Variants in LY86 observed in about 807,000 individuals in gnomAD.
LY86 encodes MD-1, RP105-associated.
LY86 carries 20 observed loss-of-function variants against 17.3 expected under a neutral mutation model. That is an observed-to-expected ratio of 1.15 (90% CI 0.81 to 1.68). The LOEUF is 1.68. Among genes scored for constraint, LY86 ranks in the 40% most tolerant of loss-of-function variants. LY86 has a pLI of 0.00. For synonymous variants in LY86, 74 were observed against 70.6 expected (o/e 1.05, Z -0.24); for missense variants, 200 against 191.9 (o/e 1.04, Z -0.25).
At chr6:6,607,537 A>G (rs987774675) in intron 1 of LY86, among the ~76,000 whole-genome samples, 1 of 152,218 alleles carries the variant, frequency 6.6e-6, no homozygotes, top group Non-Finnish European at 1.5e-5. Flanking sequence ...AATCCAAAAG[A>G]ATGCTGGAAA....
At chr6:6,632,166 A>G (rs3804481) in intron 3 of LY86, among the ~76,000 whole-genome samples, 26,857 of 152,118 alleles carry the variant, frequency 0.18, 2,991 homozygotes, top group African/African-American at 0.33. Flanking sequence ...GCTTTATAAG[A>G]CCTGTGCCAA....
rs71542805 is a variant in LY86, at chr6:6,596,412, G to GA, written c.136+7547dup. Among the ~76,000 whole-genome samples the GA allele has an allele frequency of 1.1e-4, 17 of 151,790 alleles. No homozygotes were observed. The South Asian group carries it at 1.9e-3, about 17-fold the overall frequency. ...TGCATGAAACATCAAAAAAAGAAAA[G>GA]AAAAACCTCACAGGTCATCTAGTCA... On this transcript the variant is annotated intron_variant, in intron 1 of 4. Coordinates refer to ENST00000230568, the MANE Select transcript of LY86 (RefSeq NM_004271.4).
chr6:6,649,362 C>T (rs571413529), intron 3 of LY86, among the ~76,000 whole-genome samples: 1 of 152,324 alleles, frequency 6.6e-6, no homozygotes, highest in South Asian at 2.1e-4. Flanking sequence ...AGAATGTAAG[C>T]AATGTGTGGA....
intron 3 of LY86, among the ~76,000 whole-genome samples, chr6:6,628,163 A>G (rs1337605384): frequency 2.0e-5 from 3 of 151,980 alleles, no homozygotes; most frequent in African/African-American, 7.2e-5. Flanking sequence ...ACTCATCATT[A>G]GTCCGTCCCT....
intron 3 of LY86, among the ~76,000 whole-genome samples, chr6:6,629,948 T>A (rs2113145449): frequency 6.6e-6 from 1 of 152,350 alleles, no homozygotes; most frequent in East Asian, 1.9e-4. Flanking sequence ...AATATACTTG[T>A]AAGAATATTA....
At chr6:6,613,326 G>A (rs1240763642) in intron 1 of LY86, among the ~76,000 whole-genome samples, 1 of 152,246 alleles carries the variant, frequency 6.6e-6, no homozygotes, top group Middle Eastern at 3.2e-3. Flanking sequence ...ATGGAGCAGG[G>A]TGGCGCTGCT....
chr6:6,624,401 T>TGGGATGGGATGGGATGGGAG (rs1358975139), intron 1 of LY86, among the ~76,000 whole-genome samples: 1 of 91,310 alleles, frequency 1.1e-5, no homozygotes, highest in African/African-American at 5.2e-5. Flanking sequence ...TGGGATGGGA[T>TGGGATGGGATGGGATGGGAG]GGGATGGGTT....
At chr6:6,605,521 C>T (rs1433654583) in intron 1 of LY86, among the ~76,000 whole-genome samples, 1 of 152,226 alleles carries the variant, frequency 6.6e-6, no homozygotes, top group African/African-American at 2.4e-5. Flanking sequence ...GGGGGGTCTC[C>T]CCACAACGCT....
intron 3 of LY86, among the ~76,000 whole-genome samples, chr6:6,646,517 A>G (rs1392552624): frequency 6.6e-6 from 1 of 152,050 alleles, no homozygotes; most frequent in Non-Finnish European, 1.5e-5. Flanking sequence ...ACCATCTCTT[A>G]TGTCAACCCT....
At chr6:6,613,278 A>G (rs1761444082) in intron 1 of LY86, among the ~76,000 whole-genome samples, 1 of 152,014 alleles carries the variant, frequency 6.6e-6, no homozygotes, top group East Asian at 1.9e-4. Context: ...GTGCGCCCGC[A>G]CTCCTCAGCC....
chr6:6,596,350 CTAA>C (rs1293373775), intron 1 of LY86, among the ~76,000 whole-genome samples: 2 of 152,042 alleles, frequency 1.3e-5, no homozygotes, highest in Non-Finnish European at 2.9e-5. Flanking sequence ...TCCTCAGAAC[CTAA>C]TAATTCTGAA....
chr6:6,599,219 T>C (rs934252627), intron 1 of LY86, among the ~76,000 whole-genome samples: 2 of 152,244 alleles, frequency 1.3e-5, no homozygotes, highest in African/African-American at 4.8e-5. Context: ...ATCTTTGTTA[T>C]CACCTAGACA....
At chr6:6,649,489 GAAAACA>G in intron 3 of LY86, 130 bp from the exon 4 acceptor site, 2 of 486,388 alleles carry the variant, frequency 4.1e-6, no homozygotes, top group Non-Finnish European at 3.6e-6. Context: ...ATCAGGAAAT[GAAAACA>G]TTTCTAGCAA....
intron 1 of LY86, among the ~76,000 whole-genome samples, chr6:6,607,841 G>A (rs562320506): frequency 8.6e-5 from 13 of 151,948 alleles, no homozygotes; most frequent in Middle Eastern, 3.4e-3. Context: ...CAAAGGTTGC[G>A]GTAAGCTGAG....
At chr6:6,638,980 T>C (rs1762000775) in intron 3 of LY86, among the ~76,000 whole-genome samples, 1 of 152,058 alleles carries the variant, frequency 6.6e-6, no homozygotes, top group African/African-American at 2.4e-5. Context: ...TGCACACGTA[T>C]GTTTATTGCG....
chr6:6,632,387 T>C lies in LY86; in HGVS notation c.352+5966T>C, dbSNP rs111744839. ...AATGAGAGTGGCCATAATTCATTAT[T>C]GGGTAAGAGTGGAGACTAAATAAGA... On this transcript the variant is annotated intron_variant, in intron 3 of 4. Coordinates refer to ENST00000230568, the MANE Select transcript of LY86 (RefSeq NM_004271.4). 1.7e-3 allele frequency among the ~76,000 whole-genome samples: 261 copies of C among 152,308 alleles called. 1 individual carries two copies. The highest frequency in any genetic ancestry group is 6.0e-3 in the African/African-American group (251 of 41,572).
chr6:6,612,385 AT>A (rs1447704257), intron 1 of LY86, among the ~76,000 whole-genome samples: 1 of 152,128 alleles, frequency 6.6e-6, no homozygotes, highest in African/African-American at 2.4e-5. Flanking sequence ...TTAATCATTT[AT>A]TTTCCCCCAG....
intron 3 of LY86, among the ~76,000 whole-genome samples, chr6:6,630,637 A>G (rs768330748): frequency 9.2e-5 from 14 of 152,342 alleles, no homozygotes; most frequent in Non-Finnish European, 1.9e-4. Flanking sequence ...TCAATCCTCA[A>G]GAACAACAAT....
At chr6:6,630,182 G>A (rs1430090702) in intron 3 of LY86, among the ~76,000 whole-genome samples, 1 of 152,222 alleles carries the variant, frequency 6.6e-6, no homozygotes, top group Non-Finnish European at 1.5e-5. Context: ...TTACAGGAAA[G>A]AATAGAGAGA....
Sources: gnomAD v4.1 joint callset for allele counts (sites outside exome capture counted in the v4.1 genomes callset) on GRCh38, gnomAD v4.1.1 for gene constraint, MANE v1.5 for transcripts, NCBI Gene and HGNC (gene_info 2026-07-23, HGNC 2026-07-21) for gene names.